ASAP2: variants seen among roughly 807,000 people sequenced by gnomAD.
ASAP2 encodes the protein ArfGAP with SH3 domain, ankyrin repeat and PH domain 2.
In ASAP2, 45 loss-of-function variants were observed where a neutral mutation model predicts 131.4. The ratio of observed to expected loss-of-function variants is 0.34; its 90% CI spans 0.27 to 0.44. The LOEUF (loss-of-function observed/expected upper bound fraction) is 0.44. Among genes scored for constraint, ASAP2 ranks in the 20% least tolerant of loss-of-function variants. ASAP2 has a pLI of 1.00. For missense variants in ASAP2, 1,011 were observed against 1,297.0 expected (o/e 0.78, Z 3.39); for synonymous variants, 510 against 503.0 (o/e 1.01, Z -0.19).
intron 21 of ASAP2, among the ~76,000 whole-genome samples, chr2:9,385,581 T>C (rs1962214): frequency 0.075 from 11,490 of 152,234 alleles, 1,236 homozygotes; most frequent in African/African-American, 0.23. Context: ...GCTAATTATG[T>C]ACTTATAGGC....
chr2:9,336,767 T>C (rs1236794158), intron 9 of ASAP2, among the ~76,000 whole-genome samples: 1 of 152,152 alleles, frequency 6.6e-6, no homozygotes, highest in Non-Finnish European at 1.5e-5. Flanking sequence ...GAGAAAATAG[T>C]GGGCTAGCGG....
chr2:9,358,734 T>C (rs80340978), intron 14 of ASAP2, 22 bp from the exon 15 acceptor site: 27,732 of 1,606,960 alleles, frequency 0.017, 1,092 homozygotes, highest in East Asian at 0.16. Context: ...GAAGCTCAAA[T>C]CTGCCCTGTT....
At position 9,225,368 on chromosome 2, in the gene ASAP2, C is replaced by T. The variant is rs895526706; in HGVS notation, c.126+18138C>T. On this transcript the variant is annotated intron_variant, in intron 1 of 27. Coordinates refer to ENST00000281419, the MANE Select transcript of ASAP2 (RefSeq NM_003887.3). ...GACACTTGTCTAGTGGTCTGTAGGACGCATGGCCCTGTTTAGACATTCTGC... is the reference window on the plus strand; with the variant it reads ...GACACTTGTCTAGTGGTCTGTAGGATGCATGGCCCTGTTTAGACATTCTGC... Among the ~76,000 whole-genome samples, 7 of 152,130 alleles carry T rather than the reference C, an allele frequency of 4.6e-5. No homozygotes were observed. The South Asian group carries it at 1.2e-3, about 27-fold the overall frequency.
At chr2:9,226,180 G>A (rs1164778918) in intron 1 of ASAP2, among the ~76,000 whole-genome samples, 2 of 152,170 alleles carry the variant, frequency 1.3e-5, no homozygotes, top group Middle Eastern at 3.2e-3. Flanking sequence ...CGATAATGCT[G>A]TACACCAGAA....
intron 11 of ASAP2, among the ~76,000 whole-genome samples, chr2:9,345,827 G>T (rs376697505): frequency 6.6e-6 from 1 of 152,088 alleles, no homozygotes; most frequent in South Asian, 2.1e-4. Flanking sequence ...CCAGAGAAAC[G>T]GCCCTGAGGT....
intron 4 of ASAP2, 74 bp from the exon 5 acceptor site, chr2:9,320,214 A>G (rs1670065693): frequency 3.2e-6 from 4 of 1,266,240 alleles, no homozygotes; most frequent in South Asian, 1.2e-5. Flanking sequence ...CAGGGCTAGT[A>G]CAGGGATAAG....
At chr2:9,256,807 C>T (rs1665196427) in intron 1 of ASAP2, among the ~76,000 whole-genome samples, 1 of 152,194 alleles carries the variant, frequency 6.6e-6, no homozygotes, top group Admixed American at 6.5e-5. Flanking sequence ...TCCATTTCCT[C>T]TGTGTGACAG....
chr2:9,314,460 A>C lies in ASAP2; in HGVS notation c.346-4064A>C, dbSNP rs115722653. ...TCTTTCACATATTCGATGCCCAAAA[A>C]AATATTTCAGTATACTGATTTCTTC... On this transcript the variant is annotated intron_variant, in intron 3 of 27. Transcript: ENST00000281419. 3.1e-3 allele frequency among the ~76,000 whole-genome samples: 473 copies of C among 152,330 alleles called. 3 individuals are homozygous for C. Among genetic ancestry groups the C allele is most frequent in the African/African-American group, 0.011 (454 of 41,580 alleles).
At chr2:9,297,529 A>G (rs1668222846) in intron 3 of ASAP2, 84 bp downstream of exon 3, 4 of 1,506,760 alleles carry the variant, frequency 2.7e-6, no homozygotes, top group Non-Finnish European at 2.7e-6. Flanking sequence ...TTGTTTGATA[A>G]ACTAGGAATG....
chr2:9,232,418 G>A lies in ASAP2; in HGVS notation c.126+25188G>A, dbSNP rs74550408. 0.037 allele frequency among the ~76,000 whole-genome samples: 5,702 copies of A among 152,208 alleles called. 333 individuals are homozygous for A. Among genetic ancestry groups the A allele is most frequent in the African/African-American group, 0.12 (5,102 of 41,518 alleles). ...GGCTTTGTGCCCCCGTACCCCTTTC[G>A]CAGCTGACTGTCCACATTATACTGT... On this transcript the variant is annotated intron_variant, in intron 1 of 27. Coordinates refer to ENST00000281419, the MANE Select transcript of ASAP2 (RefSeq NM_003887.3). This position sits in a 1 kb window ranked among gnomAD's most constrained non-coding sequence, Gnocchi z 4.1.
intron 2 of ASAP2, among the ~76,000 whole-genome samples, chr2:9,289,931 T>G (rs1452140849): frequency 6.6e-6 from 1 of 152,084 alleles, no homozygotes; most frequent in Non-Finnish European, 1.5e-5. Flanking sequence ...GAAATGGGTA[T>G]TGAAAGTGGA....
intron 1 of ASAP2, among the ~76,000 whole-genome samples, chr2:9,223,269 G>A (rs1235764637): frequency 6.6e-6 from 1 of 152,216 alleles, no homozygotes; most frequent in East Asian, 1.9e-4. Context: ...TGGTCAAAGC[G>A]AAGTAAAGGA....
rs559583078 is a variant in ASAP2, at chr2:9,360,502, T to C, written c.1461+1613T>C. Reference sequence around the variant, plus strand: ...TTGCTAGATGATAAACATTTAAACATCTCTACTGTCCTTCCCTATCACCGT... The same window carrying C: ...TTGCTAGATGATAAACATTTAAACACCTCTACTGTCCTTCCCTATCACCGT... On this transcript the variant is annotated intron_variant, in intron 15 of 27. Transcript: ENST00000281419. 2.6e-5 allele frequency among the ~76,000 whole-genome samples: 4 copies of C among 152,298 alleles called. No homozygotes were observed. The East Asian group carries it at 7.7e-4, about 29-fold the overall frequency.
chr2:9,303,595 C>G (rs1219222705), intron 3 of ASAP2, among the ~76,000 whole-genome samples: 1 of 152,200 alleles, frequency 6.6e-6, no homozygotes, highest in East Asian at 1.9e-4. Flanking sequence ...TAGATTTTGG[C>G]ATGGCCTCAT....
chr2:9,337,682 A>T (rs1450240483), intron 9 of ASAP2, among the ~76,000 whole-genome samples: 3 of 152,118 alleles, frequency 2.0e-5, no homozygotes, highest in Non-Finnish European at 4.4e-5. Flanking sequence ...TGGCCATTCC[A>T]GTGTGGTAGC....
intron 1 of ASAP2, among the ~76,000 whole-genome samples, chr2:9,267,861 G>C (rs773871868): frequency 1.6e-5 from 2 of 126,526 alleles, no homozygotes; most frequent in Non-Finnish European, 3.1e-5. Context: ...ATGCACCACT[G>C]TACTCCAGCC....
chr2:9,334,909 C>T (rs1671097794), intron 8 of ASAP2, 96 bp downstream of exon 8: 7 of 1,445,316 alleles, frequency 4.8e-6, no homozygotes, highest in Admixed American at 1.8e-5. Flanking sequence ...TGTTTTCATG[C>T]CGTGCCGCCC....
rs1415972066 is a variant in ASAP2, at chr2:9,379,063, A to G, written c.1948+4A>G. On this transcript the variant is annotated splice_donor_region_variant and intron_variant, in intron 19 of 27. Transcript: ENST00000281419. ...GGGAAGGCCTCCATCGAGATAGGTGAGTGGGCCCGGGCCCCGGGGGTGGGC... is the reference window on the plus strand; with the variant it reads ...GGGAAGGCCTCCATCGAGATAGGTGGGTGGGCCCGGGCCCCGGGGGTGGGC... The G allele has an allele frequency of 6.5e-7, 1 of 1,533,158 alleles. No homozygotes were observed. Among genetic ancestry groups the G allele is most frequent in the Non-Finnish European group, 8.8e-7 (1 of 1,138,406 alleles). The allele number at this position is 1,533,158 out of a possible 1,614,324, so 95.0% of individuals were successfully genotyped here.
chr2:9,257,461 A>G (rs1253772885), intron 1 of ASAP2, among the ~76,000 whole-genome samples: 1 of 152,214 alleles, frequency 6.6e-6, no homozygotes, highest in Non-Finnish European at 1.5e-5. Flanking sequence ...CCTTGAACAA[A>G]CTAATGAACC....
Sources: allele counts gnomAD v4.1 joint callset (sites outside exome capture counted in the v4.1 genomes callset), GRCh38; gene constraint gnomAD v4.1.1; non-coding constraint Gnocchi (gnomAD v3.1); transcripts MANE v1.5; gene names NCBI Gene and HGNC (gene_info 2026-07-23, HGNC 2026-07-21).